The following DOK6 variants were observed in gnomAD, a reference collection of about 807,000 sequenced individuals.
The protein encoded by DOK6 is docking protein 6.
DOK6 carries 22 observed loss-of-function variants against 44.0 expected under a neutral mutation model. That is an observed-to-expected ratio of 0.50 (90% CI 0.36 to 0.71). The LOEUF (loss-of-function observed/expected upper bound fraction) is 0.71, where lower values mean the gene tolerates loss of function less well. Among genes scored for constraint, DOK6 ranks in the 30% least tolerant of loss-of-function variants. The probability of loss-of-function intolerance (pLI) is 0.00; values close to 1 mark genes in which losing one functional copy is unlikely to be tolerated. For missense variants in DOK6, 340 were observed against 416.4 expected (o/e 0.82, Z 1.60); for synonymous variants, 166 against 145.5 (o/e 1.14, Z -1.01).
At chr18:69,403,036 CTTT>C (rs1916133058) in intron 1 of DOK6, among the ~76,000 whole-genome samples, 1 of 152,168 alleles carries the variant, frequency 6.6e-6, no homozygotes, top group Admixed American at 6.5e-5. Flanking sequence ...AAGCCCTTTG[CTTT>C]ACGACTGGAT....
chr18:69,777,699 C>T (rs1158618754), intron 7 of DOK6, among the ~76,000 whole-genome samples: 1 of 150,598 alleles, frequency 6.6e-6, no homozygotes, highest in African/African-American at 2.4e-5. Flanking sequence ...CTCCTCAGCC[C>T]CTACACTTCA....
In DOK6 at chr18:69,699,480, AC is replaced by A. The variant is rs376455928; in HGVS notation, c.599+888del. 7.4e-4 allele frequency among the ~76,000 whole-genome samples: 112 copies of A among 152,262 alleles called. 1 individual carries two copies. The South Asian group carries it at 0.019, about 25-fold the overall frequency. On this transcript the variant is annotated intron_variant, in intron 5 of 7. Coordinates refer to ENST00000382713, the MANE Select transcript of DOK6 (RefSeq NM_152721.6). ...TCTTAAAATTTTAAGGAGGGAAAAA[AC>A]AAACAAAAAACCTGAGCTGGAGTAA...
intron 2 of DOK6, among the ~76,000 whole-genome samples, chr18:69,571,056 A>G (rs1041647200): frequency 2.6e-5 from 4 of 152,028 alleles, no homozygotes; most frequent in Non-Finnish European, 4.4e-5. Context: ...TTTATAATGT[A>G]TGAATATTTA....
chr18:69,591,890 G>A (rs1420525951), intron 2 of DOK6, among the ~76,000 whole-genome samples: 2 of 151,944 alleles, frequency 1.3e-5, no homozygotes, highest in African/African-American at 4.8e-5. Flanking sequence ...ATCTGTATAA[G>A]GCCTTATTTT....
At chr18:69,722,163 A>C (rs898522442) in intron 5 of DOK6, among the ~76,000 whole-genome samples, 8 of 152,214 alleles carry the variant, frequency 5.3e-5, no homozygotes, top group African/African-American at 1.9e-4. Context: ...CACTGTTTGA[A>C]GAGCTTTGAT....
chr18:69,746,844 A>G (rs1979002419), intron 6 of DOK6, among the ~76,000 whole-genome samples: 1 of 152,166 alleles, frequency 6.6e-6, no homozygotes, highest in Admixed American at 6.5e-5. Flanking sequence ...TCTGTCTTGA[A>G]CATGAGAAAC....
chr18:69,767,201 C>T (rs1243692746), intron 7 of DOK6, among the ~76,000 whole-genome samples: 1 of 152,026 alleles, frequency 6.6e-6, no homozygotes, highest in Admixed American at 6.6e-5. Context: ...CACTGCACTC[C>T]AGCCTGGGCG....
chr18:69,583,928 G>C (rs1478434497), intron 2 of DOK6, among the ~76,000 whole-genome samples: 2 of 151,996 alleles, frequency 1.3e-5, no homozygotes, highest in Admixed American at 6.5e-5. Flanking sequence ...CTAACACGGT[G>C]AAACCCCGTC....
chr18:69,842,919 T>G lies in DOK6; in HGVS notation c.*1536T>G, dbSNP rs1032411860. 7 of 152,140 alleles carry G rather than the reference T, an allele frequency of 4.6e-5. No individual in the cohort carries two copies. Among genetic ancestry groups the G allele is most frequent in the African/African-American group, 1.2e-4 (5 of 41,426 alleles). The allele number at this position is 152,140 out of a possible 1,614,324, so 9.4% of individuals were successfully genotyped here. A position where few individuals can be genotyped will look rare whatever the true frequency, so the allele number is the denominator to read the frequency against. ...GTTTTTTTTTTCTTAATAGGAAAAT[T>G]TTTTAAACTATCCAAATTAGTCTGT... On this transcript the variant is annotated 3_prime_UTR_variant, in exon 8 of 8. Coordinates refer to ENST00000382713, the MANE Select transcript of DOK6 (RefSeq NM_152721.6).
intron 1 of DOK6, among the ~76,000 whole-genome samples, chr18:69,413,986 C>G (rs1180512460): frequency 6.6e-6 from 1 of 151,872 alleles, no homozygotes; most frequent in Non-Finnish European, 1.5e-5. Context: ...ACCACATAAA[C>G]AGGTGTCTGA....
chr18:69,563,291 C>T (rs1253610233), intron 1 of DOK6, among the ~76,000 whole-genome samples: 5 of 152,142 alleles, frequency 3.3e-5, no homozygotes, highest in African/African-American at 1.2e-4. Context: ...CCCAGCCATC[C>T]CATTGCTGGG....
intron 1 of DOK6, among the ~76,000 whole-genome samples, chr18:69,502,672 T>A (rs1313325883): frequency 6.6e-6 from 1 of 152,084 alleles, no homozygotes; most frequent in African/African-American, 2.4e-5. Context: ...TCAAATCCCA[T>A]GTTATTTAGT....
intron 6 of DOK6, among the ~76,000 whole-genome samples, chr18:69,741,984 C>A (rs1329005535): frequency 6.6e-6 from 1 of 152,130 alleles, no homozygotes; most frequent in African/African-American, 2.4e-5. Context: ...CTTTTCACAC[C>A]ATATAAGACC....
At chr18:69,528,929 A>C (rs77380346) in intron 1 of DOK6, among the ~76,000 whole-genome samples, 1 of 152,192 alleles carries the variant, frequency 6.6e-6, no homozygotes, top group Non-Finnish European at 1.5e-5. Context: ...TGGCTCTTCC[A>C]GTGTAAAAGG....
At chr18:69,670,845 C>A (rs1482972812) in intron 3 of DOK6, among the ~76,000 whole-genome samples, 1 of 152,102 alleles carries the variant, frequency 6.6e-6, no homozygotes. Context: ...ATTAAGAATT[C>A]TCCCCCAATG....
chr18:69,761,252 C>T (rs1378939745), intron 7 of DOK6, among the ~76,000 whole-genome samples: 1 of 151,056 alleles, frequency 6.6e-6, no homozygotes, highest in Non-Finnish European at 1.5e-5. Flanking sequence ...ATTACTACTC[C>T]TGAAATCTTA....
chr18:69,812,472 C>T (rs1246777321), intron 7 of DOK6, among the ~76,000 whole-genome samples: 1 of 152,060 alleles, frequency 6.6e-6, no homozygotes, highest in Non-Finnish European at 1.5e-5. Flanking sequence ...TTGTCAATGG[C>T]AACAAACGGG....
intron 1 of DOK6, among the ~76,000 whole-genome samples, chr18:69,429,641 A>ATC (rs1203820007): frequency 1.8e-5 from 1 of 54,974 alleles, no homozygotes; most frequent in Non-Finnish European, 3.6e-5. Context: ...ATATATATAT[A>ATC]TATATATATA....
intron 7 of DOK6, among the ~76,000 whole-genome samples, chr18:69,784,905 G>A (rs1282560486): frequency 6.6e-6 from 1 of 152,094 alleles, no homozygotes; most frequent in Admixed American, 6.6e-5. Context: ...CAAAGTCATA[G>A]AGACTGTTTG....
Sources: allele counts gnomAD v4.1 joint callset (sites outside exome capture counted in the v4.1 genomes callset), GRCh38; gene constraint gnomAD v4.1.1; transcripts MANE v1.5; gene names NCBI Gene and HGNC (gene_info 2026-07-23, HGNC 2026-07-21).